The following PPP1R12B variants were observed in gnomAD, a reference collection of about 807,000 sequenced individuals.
PPP1R12B encodes the protein protein phosphatase 1 regulatory subunit 12B.
A neutral mutation model predicts 126.1 loss-of-function variants in PPP1R12B; 76 were observed. The observed-to-expected ratio is 0.60, with a 90% CI of 0.50 to 0.73. The LOEUF (loss-of-function observed/expected upper bound fraction) is 0.73, where lower values mean the gene tolerates loss of function less well. PPP1R12B is among the 30% of genes least tolerant of loss of function. The probability of loss-of-function intolerance (pLI) is 0.00; values close to 1 mark genes in which losing one functional copy is unlikely to be tolerated. For missense variants in PPP1R12B, 1,052 were observed against 1,205.1 expected (o/e 0.87, Z 1.88); for synonymous variants, 356 against 434.7 (o/e 0.82, Z 2.25).
intron 1 of PPP1R12B, among the ~76,000 whole-genome samples, chr1:202,412,383 A>G (rs182077184): frequency 5.4e-4 from 83 of 152,332 alleles, no homozygotes; most frequent in Non-Finnish European, 9.6e-4. Context: ...GGAGATTAAG[A>G]AAAGGAGAGG....
chr1:202,425,883 C>T (rs1669439952), intron 4 of PPP1R12B, among the ~76,000 whole-genome samples, 158 bp downstream of exon 4: 1 of 152,128 alleles, frequency 6.6e-6, no homozygotes, highest in Non-Finnish European at 1.5e-5. Flanking sequence ...TGCTGGTATT[C>T]ATCCATGGAT....
intron 18 of PPP1R12B, chr1:202,502,449 C>A (rs1680333998): frequency 1.0e-6 from 1 of 984,178 alleles, no homozygotes; most frequent in Non-Finnish European, 1.2e-6. Context: ...CCAGAAGCCA[C>A]TAAATGCATT....
Position 202,421,301 on chromosome 1 carries a change from CT to C in PPP1R12B, c.423-1300del, listed in dbSNP as rs764287116. On this transcript the variant is annotated intron_variant, in intron 2 of 23. Coordinates refer to ENST00000608999, the MANE Select transcript of PPP1R12B (RefSeq NM_002481.4). ...GCCAGTGGCCATATATTATCTCTCT[CT>C]TTTTTTTTTTTTTTTTTTAAATCTC... Among the ~76,000 whole-genome samples, 891 of 136,746 alleles carry C rather than the reference CT, an allele frequency of 6.5e-3. 2 individuals are homozygous for C. Among genetic ancestry groups the C allele is most frequent in the Admixed American group, 8.3e-3 (112 of 13,564 alleles). 89.7% of individuals were successfully genotyped at this position (136,746 alleles called of 152,430 possible).
intron 1 of PPP1R12B, among the ~76,000 whole-genome samples, chr1:202,351,430 G>T (rs549903521): frequency 6.6e-6 from 1 of 152,006 alleles, no homozygotes; most frequent in African/African-American, 2.4e-5. Context: ...GTAGGGATGG[G>T]GTTTCGCCAT....
chr1:202,481,616 A>G lies in PPP1R12B; in HGVS notation c.1851-6917A>G, dbSNP rs557484856. ...TTTTAAAATTTATTTGACACATTAC[A>G]TATTTATGGAGGTACAGTTTGATGT... On this transcript the variant is annotated intron_variant, in intron 13 of 23. Coordinates refer to ENST00000608999, the MANE Select transcript of PPP1R12B (RefSeq NM_002481.4). 2.1e-3 allele frequency among the ~76,000 whole-genome samples: 321 copies of G among 152,260 alleles called. 3 individuals carry two copies. The highest frequency in any genetic ancestry group is 7.2e-3 in the African/African-American group (300 of 41,550).
At chr1:202,513,431 TG>T (rs898902800) in intron 18 of PPP1R12B, among the ~76,000 whole-genome samples, 1 of 152,142 alleles carries the variant, frequency 6.6e-6, no homozygotes, top group Admixed American at 6.5e-5. Context: ...AGAATATGTT[TG>T]GGGATGAAGA....
rs962787517 is a variant in PPP1R12B at position 202,581,520 on chromosome 1, A to T, written c.*960A>T. 3 of 152,014 alleles carry T rather than the reference A, an allele frequency of 2.0e-5. No homozygotes were observed. The highest frequency in any genetic ancestry group is 7.3e-5 in the African/African-American group (3 of 41,362). 9.4% of individuals were successfully genotyped at this position (152,014 alleles called of 1,614,324 possible). On this transcript the variant is annotated 3_prime_UTR_variant, in exon 24 of 24. Coordinates refer to ENST00000608999, the MANE Select transcript of PPP1R12B (RefSeq NM_002481.4). ...TTATAAGAAAATTTGGGCTCTGAATACTCCATTCTGCCTCACTTCCTTGAC... is the reference window on the plus strand; with the variant it reads ...TTATAAGAAAATTTGGGCTCTGAATTCTCCATTCTGCCTCACTTCCTTGAC...
At chr1:202,470,907 A>G (rs1403120221) in intron 13 of PPP1R12B, among the ~76,000 whole-genome samples, 1 of 115,260 alleles carries the variant, frequency 8.7e-6, no homozygotes, top group Non-Finnish European at 2.0e-5. Context: ...CCTCATCTCA[A>G]AAAAAAAAAA....
chr1:202,562,972 C>A (rs753063804), intron 20 of PPP1R12B, 50 bp downstream of exon 20: 1 of 1,494,972 alleles, frequency 6.7e-7, no homozygotes, highest in Admixed American at 2.4e-5. Flanking sequence ...GTAAACCTCT[C>A]AGCCTTCCTC....
intron 6 of PPP1R12B, among the ~76,000 whole-genome samples, chr1:202,429,528 G>T (rs1364328089): frequency 2.0e-5 from 3 of 152,060 alleles, no homozygotes; most frequent in Non-Finnish European, 4.4e-5. Flanking sequence ...GGCTTAATTA[G>T]TGCTATACAG....
chr1:202,446,213 A>ACTCTCTCTCTCTCT (rs3077313), intron 12 of PPP1R12B, among the ~76,000 whole-genome samples: 876 of 64,314 alleles, frequency 0.014, 17 homozygotes, highest in South Asian at 0.028. Flanking sequence ...ATATTATATT[A>ACTCTCTCTCTCTCT]CTCTCTCTCT....
chr1:202,374,757 C>G (rs925407223), intron 1 of PPP1R12B, among the ~76,000 whole-genome samples: 1 of 151,626 alleles, frequency 6.6e-6, no homozygotes, highest in Non-Finnish European at 1.5e-5. Flanking sequence ...CGCCTGGTCT[C>G]GAACTCCTGA....
intron 1 of PPP1R12B, among the ~76,000 whole-genome samples, chr1:202,403,239 G>A (rs1270730855): frequency 6.6e-6 from 1 of 152,140 alleles, no homozygotes; most frequent in African/African-American, 2.4e-5. Flanking sequence ...TTACTTTGTG[G>A]GAATCTGGCC....
At chr1:202,402,237 C>A (rs1665950410) in intron 1 of PPP1R12B, among the ~76,000 whole-genome samples, 1 of 152,174 alleles carries the variant, frequency 6.6e-6, no homozygotes, top group Admixed American at 6.5e-5. Context: ...CTGATCTTTT[C>A]CTGGACTTAG....
intron 13 of PPP1R12B, among the ~76,000 whole-genome samples, chr1:202,470,224 T>C (rs963780349): frequency 6.6e-6 from 1 of 152,244 alleles, no homozygotes; most frequent in Non-Finnish European, 1.5e-5. Flanking sequence ...CTGACCTCTA[T>C]TCTCTCTCTG....
At chr1:202,411,206 A>G (rs188343813) in intron 1 of PPP1R12B, among the ~76,000 whole-genome samples, 4 of 149,902 alleles carry the variant, frequency 2.7e-5, no homozygotes, top group Non-Finnish European at 4.4e-5. Context: ...TTCAGGGACT[A>G]TATGTCTCTC....
chr1:202,536,817 A>G (rs1230727662), intron 18 of PPP1R12B, among the ~76,000 whole-genome samples: 2 of 152,012 alleles, frequency 1.3e-5, no homozygotes, highest in Non-Finnish European at 2.9e-5. Context: ...ACTAAGACAC[A>G]CACACATTAG....
intron 18 of PPP1R12B, among the ~76,000 whole-genome samples, chr1:202,500,076 A>T (rs1019728807): frequency 1.6e-4 from 24 of 152,230 alleles, no homozygotes; most frequent in African/African-American, 5.8e-4. Context: ...TTCCTCAAAA[A>T]CTAAAAATTG....
At position 202,552,000 on chromosome 1, in the gene PPP1R12B, G is replaced by A. The variant is rs60096237; in HGVS notation, c.2491-6877G>A. Among the ~76,000 whole-genome samples, 780 of 152,280 alleles carry A rather than the reference G, an allele frequency of 5.1e-3. 9 individuals carry two copies. Among genetic ancestry groups the A allele is most frequent in the Admixed American group, 0.017 (264 of 15,290 alleles). On this transcript the variant is annotated intron_variant, in intron 18 of 23. Transcript: ENST00000608999. ...GCAGCAGACTCCTTGATTTCAGACCGTTGAGAACTTGAGGAGGGAACCCAG... is the reference window on the plus strand; with the variant it reads ...GCAGCAGACTCCTTGATTTCAGACCATTGAGAACTTGAGGAGGGAACCCAG...
Sources: gnomAD v4.1 joint callset for allele counts (sites outside exome capture counted in the v4.1 genomes callset) on GRCh38, gnomAD v4.1.1 for gene constraint, MANE v1.5 for transcripts, NCBI Gene and HGNC (gene_info 2026-07-23, HGNC 2026-07-21) for gene names.